Variants in STXBP5 observed in about 807,000 individuals in gnomAD.
STXBP5 encodes the protein syntaxin-binding protein 5.
STXBP5 carries 50 observed loss-of-function variants against 152.4 expected under a neutral mutation model. That is an observed-to-expected ratio of 0.33 (90% confidence interval 0.26 to 0.42). STXBP5 has a LOEUF of 0.42. Ranked by LOEUF, STXBP5 falls within the 10% of genes least tolerant of loss-of-function variation. The pLI, the probability that STXBP5 is intolerant of heterozygous loss-of-function variation, is 1.00. For synonymous variants in STXBP5, 492 were observed against 494.7 expected (o/e 0.99, Z 0.07); for missense variants, 1,167 against 1,388.6 (o/e 0.84, Z 2.54).
chr6:147,259,324 A>G (rs1779534495), intron 4 of STXBP5, among the ~76,000 whole-genome samples: 1 of 152,172 alleles, frequency 6.6e-6, no homozygotes, highest in Non-Finnish European at 1.5e-5. Context: ...GATGATAGCT[A>G]ATATTGAGAA....
At position 147,384,786 on chromosome 6, in the gene STXBP5, C is replaced by T; in HGVS notation, c.*31C>T. On this transcript the variant is annotated 3_prime_UTR_variant, in exon 28 of 28. Coordinates refer to ENST00000321680, the MANE Select transcript of STXBP5 (RefSeq NM_001127715.4). ...AGAATCCAATAAGTCCAACTTCAGC[C>T]AGAAGGAAAAAAGTTTTCCATTTTT... The T allele has an allele frequency of 6.3e-7, 1 of 1,596,136 alleles. No individual in the cohort carries two copies. The highest frequency in any genetic ancestry group is 8.5e-7 in the Non-Finnish European group (1 of 1,174,142).
At chr6:147,225,584 A>C (rs1049377087) in intron 2 of STXBP5, among the ~76,000 whole-genome samples, 1 of 152,218 alleles carries the variant, frequency 6.6e-6, no homozygotes, top group Non-Finnish European at 1.5e-5. Context: ...TGAATATACC[A>C]GTTTTGATAC....
chr6:147,347,411 C>T (rs2128402898), intron 21 of STXBP5, among the ~76,000 whole-genome samples: 1 of 152,224 alleles, frequency 6.6e-6, no homozygotes, highest in East Asian at 1.9e-4. Context: ...GAAAGTTCCA[C>T]AATTAAGTAC....
intron 19 of STXBP5, among the ~76,000 whole-genome samples, chr6:147,336,818 A>G (rs1783847228): frequency 2.6e-5 from 4 of 152,136 alleles, no homozygotes; most frequent in Admixed American, 2.6e-4. Flanking sequence ...GCCTTTATCA[A>G]AACCAGTAAG....
At chr6:147,225,424 T>G (rs966768917) in intron 2 of STXBP5, among the ~76,000 whole-genome samples, 1 of 152,194 alleles carries the variant, frequency 6.6e-6, no homozygotes, top group Non-Finnish European at 1.5e-5. Context: ...ACTCTAGTCT[T>G]CCATTCCTAG....
At chr6:147,370,565 A>G (rs1785492831) in intron 25 of STXBP5, among the ~76,000 whole-genome samples, 1 of 151,996 alleles carries the variant, frequency 6.6e-6, no homozygotes, top group African/African-American at 2.4e-5. Flanking sequence ...GATAATTTAT[A>G]ATAAACTGTT....
chr6:147,351,885 G>A (rs1410067468), intron 21 of STXBP5: 2 of 985,172 alleles, frequency 2.0e-6, no homozygotes, highest in Non-Finnish European at 2.4e-6. Flanking sequence ...GCGCCCTTAT[G>A]GACTAGCAGG....
intron 19 of STXBP5, among the ~76,000 whole-genome samples, chr6:147,336,473 C>A (rs752980744): frequency 6.6e-6 from 1 of 151,588 alleles, no homozygotes; most frequent in South Asian, 2.1e-4. Flanking sequence ...CTTTGGCCAA[C>A]ACATGCAAAT....
At chr6:147,280,914 G>A (rs1780670683) in intron 8 of STXBP5, among the ~76,000 whole-genome samples, 1 of 152,104 alleles carries the variant, frequency 6.6e-6, no homozygotes, top group Admixed American at 6.6e-5. Context: ...TCTAATAGTA[G>A]ATGGCCAGAA....
chr6:147,311,775 C>A (rs1782389551), intron 11 of STXBP5, among the ~76,000 whole-genome samples: 1 of 152,086 alleles, frequency 6.6e-6, no homozygotes. Context: ...TTCAACCTGA[C>A]ACTTAGATAT....
chr6:147,248,904 T>G (rs1301283784), intron 4 of STXBP5, among the ~76,000 whole-genome samples: 1 of 152,016 alleles, frequency 6.6e-6, no homozygotes, highest in Non-Finnish European at 1.5e-5. Context: ...GTGAGAAGGA[T>G]CCAGTGGACA....
At position 147,359,137 on chromosome 6, in the gene STXBP5, G is replaced by T; in HGVS notation, c.2359G>T (p.Asp787Tyr). 1 of 1,613,948 alleles carries T rather than the reference G, an allele frequency of 6.2e-7. No individual in the cohort carries two copies. Among genetic ancestry groups the T allele is most frequent in the South Asian group, 1.1e-5 (1 of 91,070 alleles). Residue 787 changes from aspartate to tyrosine, a missense_variant, in exon 23 of 28, where the codon GAC becomes TAC. By Grantham distance (160) the Asp-to-Tyr change is radical (BLOSUM62 -3). This residue lies in a region of STXBP5 where 833 missense variants were observed against 986.3 expected (regional missense o/e 0.84). Transcript: ENST00000321680. ...ACGGAGTTCAAGTGTAACAAGCATT[G>T]ACAAAGAATCCCGAGAAGCGATCTC... ...RSRSSSVTSI[D>Y]KESREAISAL... is the part of the protein sequence containing the mutation.
chr6:147,299,333 A>G (rs968452001), intron 9 of STXBP5, among the ~76,000 whole-genome samples: 11 of 151,954 alleles, frequency 7.2e-5, no homozygotes, highest in African/African-American at 2.7e-4. Flanking sequence ...CAACAGACCA[A>G]TAACAAGCGA....
chr6:147,327,152 T>A lies in STXBP5; in HGVS notation c.1956T>A (p.Ile652=). The change falls in exon 18 of 28, where the codon ATT becomes ATA. Residue 652 remains isoleucine (I), a synonymous_variant. Coordinates refer to ENST00000321680, the MANE Select transcript of STXBP5 (RefSeq NM_001127715.4). ...GLVVFGNCNG[I]AMVDYLQKAV... ...TGGTTTTTGGCAATTGCAATGGCAT[T>A]GCTATGGTTGACTACCTCCAGAAAG... 1 of 1,612,936 alleles carries A rather than the reference T, an allele frequency of 6.2e-7. No individual in the cohort carries two copies. The highest frequency in any genetic ancestry group is 1.1e-5 in the South Asian group (1 of 90,694).
intron 4 of STXBP5, among the ~76,000 whole-genome samples, chr6:147,251,264 AC>A (rs904596410): frequency 6.6e-6 from 1 of 152,146 alleles, no homozygotes; most frequent in African/African-American, 2.4e-5. Context: ...CCCAGATACT[AC>A]GCTTTTCCCA....
At chr6:147,384,342 G>A (rs1300763236) in intron 27 of STXBP5, among the ~76,000 whole-genome samples, 1 of 152,138 alleles carries the variant, frequency 6.6e-6, no homozygotes, top group Non-Finnish European at 1.5e-5. Flanking sequence ...GCTCAGAATA[G>A]ATGCTCAGTA....
intron 7 of STXBP5, among the ~76,000 whole-genome samples, chr6:147,271,119 A>G (rs1377006197): frequency 6.6e-6 from 1 of 152,178 alleles, no homozygotes; most frequent in Non-Finnish European, 1.5e-5. Flanking sequence ...AAATCCAGCT[A>G]TGTCAATAAT....
intron 4 of STXBP5, among the ~76,000 whole-genome samples, chr6:147,254,167 A>G (rs1348007350): frequency 2.0e-5 from 3 of 152,182 alleles, no homozygotes; most frequent in Admixed American, 6.5e-5. Context: ...ATCTTTGACA[A>G]ACCTGACAAA....
chr6:147,365,886 T>C (rs976699034), intron 25 of STXBP5, among the ~76,000 whole-genome samples: 7 of 152,166 alleles, frequency 4.6e-5, no homozygotes, highest in African/African-American at 1.7e-4. Context: ...GATGGAATAA[T>C]AGGAACCAGA....
Sources: gnomAD v4.1 joint callset for allele counts (sites outside exome capture counted in the v4.1 genomes callset) on GRCh38, gnomAD v4.1.1 for gene constraint, gnomAD v4.1.1 regional missense constraint, MANE v1.5 for transcripts, NCBI Gene and HGNC (gene_info 2026-07-23, HGNC 2026-07-21) for gene names.